The following DAB1 variants were observed in gnomAD, a reference collection of about 807,000 sequenced individuals.
DAB1 encodes disabled homolog 1.
A neutral mutation model predicts 64.6 loss-of-function variants in DAB1; 15 were observed. That is an observed-to-expected ratio of 0.23 (90% CI 0.16 to 0.36). The LOEUF (loss-of-function observed/expected upper bound fraction) is 0.36. Ranked by LOEUF, DAB1 falls within the 10% of genes least tolerant of loss-of-function variation. The pLI is 1.00. For missense variants in DAB1, 596 were observed against 706.7 expected, an observed-to-expected ratio of 0.84 and a Z score of 1.78; for synonymous variants, 235 against 251.9, an observed-to-expected ratio of 0.93 and a Z score of 0.64.
chr1:58,400,061 TA>T (rs1644556517), intron 3 of DAB1, among the ~76,000 whole-genome samples: 1 of 151,986 alleles, frequency 6.6e-6, no homozygotes, highest in African/African-American at 2.4e-5. Context: ...TTGTGAATCT[TA>T]AAGGTGAGAG....
intron 2 of DAB1, among the ~76,000 whole-genome samples, chr1:58,521,924 C>CT (rs1557451879): frequency 6.6e-6 from 1 of 152,174 alleles, no homozygotes; most frequent in Non-Finnish European, 1.5e-5. Flanking sequence ...GCCAGCATAA[C>CT]TTTGATTCCA....
chr1:58,533,582 C>T (rs1016181811), intron 1 of DAB1, among the ~76,000 whole-genome samples: 5 of 152,074 alleles, frequency 3.3e-5, no homozygotes, highest in Non-Finnish European at 7.4e-5. Context: ...AGATGATTTA[C>T]CCACTTAAAT....
intron 5 of DAB1, among the ~76,000 whole-genome samples, chr1:58,065,265 G>C (rs1648784345): frequency 6.6e-6 from 1 of 152,144 alleles, no homozygotes; most frequent in Non-Finnish European, 1.5e-5. Context: ...AGGATGTTTA[G>C]CTTCAAATGC....
chr1:58,184,024 T>C lies in DAB1; in HGVS notation n.310-33436A>G, dbSNP rs946309. Among the ~76,000 whole-genome samples, 308 of 152,164 alleles carry C rather than the reference T, an allele frequency of 2.0e-3. 1 individual carries two copies. The highest frequency in any genetic ancestry group is 6.3e-3 in the African/African-American group (262 of 41,548). On this transcript the variant is annotated intron_variant and non_coding_transcript_variant, in intron 4 of 20. Coordinates refer to the DAB1 transcript ENST00000485760. ...TGCACACACTCCAAATCAATCCTGT[T>C]TCTCTAGCTATAGGGTTTCTAACTT...
chr1:57,377,335 G>A (rs2405697), intron 1 of DAB1, among the ~76,000 whole-genome samples: 81,217 of 151,350 alleles, frequency 0.54, 22,693 homozygotes, highest in African/African-American at 0.63. Context: ...ATAAAGAAGT[G>A]TTTCTCAAAT....
chr1:57,250,906 G>A (rs493846), intron 2 of DAB1, among the ~76,000 whole-genome samples: 89,476 of 151,906 alleles, frequency 0.59, 26,546 homozygotes, highest in Admixed American at 0.66. Flanking sequence ...GGCATTTTTC[G>A]CAGCCAGGAT....
intron 7 of DAB1, among the ~76,000 whole-genome samples, chr1:57,547,800 A>G (rs551908185): frequency 2.0e-5 from 3 of 152,204 alleles, no homozygotes; most frequent in Non-Finnish European, 4.4e-5. Flanking sequence ...TAAGAAGTCA[A>G]TATTAGGAGA....
chr1:58,347,210 C>T (rs527564179), intron 3 of DAB1, among the ~76,000 whole-genome samples: 6 of 152,292 alleles, frequency 3.9e-5, no homozygotes, highest in Admixed American at 6.5e-5. Flanking sequence ...CAGGTACAAG[C>T]AATTCTCTTG....
intron 1 of DAB1, among the ~76,000 whole-genome samples, chr1:57,324,540 T>C (rs564461073): frequency 1.9e-4 from 29 of 152,286 alleles, no homozygotes; most frequent in African/African-American, 7.0e-4. Flanking sequence ...ATAAAAAACA[T>C]TCAATTAGCA....
intron 5 of DAB1, among the ~76,000 whole-genome samples, chr1:57,926,352 C>A (rs1026784591): frequency 1.3e-5 from 2 of 152,144 alleles, no homozygotes; most frequent in African/African-American, 4.8e-5. Context: ...TACTTTATCT[C>A]ATTAGCTACA....
chr1:57,317,419 A>G (rs1675305731), intron 1 of DAB1, among the ~76,000 whole-genome samples: 2 of 152,218 alleles, frequency 1.3e-5, no homozygotes, highest in Non-Finnish European at 2.9e-5. Context: ...GTTATGCAGC[A>G]GTAAACTAAT....
chr1:57,438,035 C>T (rs1412369651), intron 7 of DAB1, among the ~76,000 whole-genome samples: 1 of 152,174 alleles, frequency 6.6e-6, no homozygotes, highest in Non-Finnish European at 1.5e-5. Context: ...CAGCTTCCAT[C>T]CCAGCCCTTA....
At chr1:57,238,287 G>C (rs1668238860) in intron 2 of DAB1, among the ~76,000 whole-genome samples, 1 of 152,166 alleles carries the variant, frequency 6.6e-6, no homozygotes, top group Admixed American at 6.5e-5. Context: ...AAGCCCTCTA[G>C]TTATGATACC....
At chr1:58,008,582 G>T (rs1041437076) in intron 5 of DAB1, among the ~76,000 whole-genome samples, 1 of 152,130 alleles carries the variant, frequency 6.6e-6, no homozygotes, top group African/African-American at 2.4e-5. Flanking sequence ...CAATCATAGC[G>T]GTTCGGTGTG....
At chr1:57,634,019 T>C (rs1005855261) in intron 7 of DAB1, among the ~76,000 whole-genome samples, 6 of 152,244 alleles carry the variant, frequency 3.9e-5, no homozygotes, top group East Asian at 1.9e-4. Context: ...GTGCCATGGC[T>C]GGCGCATCCT....
chr1:57,335,640 T>C (rs1677020402), intron 1 of DAB1, among the ~76,000 whole-genome samples: 2 of 152,200 alleles, frequency 1.3e-5, no homozygotes, highest in African/African-American at 4.8e-5. Context: ...TGTAATTTAG[T>C]GCATAATTCC....
At chr1:57,098,593 T>C (rs1253754107) in intron 4 of DAB1, among the ~76,000 whole-genome samples, 1 of 152,178 alleles carries the variant, frequency 6.6e-6, no homozygotes, top group Admixed American at 6.5e-5. Context: ...GAAATCAAAC[T>C]GCATCATATA....
chr1:58,254,138 T>C (rs1660868574), intron 4 of DAB1, among the ~76,000 whole-genome samples: 1 of 152,144 alleles, frequency 6.6e-6, no homozygotes, highest in African/African-American at 2.4e-5. Context: ...AGGGGAAACA[T>C]GCAATAAGAT....
chr1:57,115,240 C>G (rs1056640363), intron 4 of DAB1, among the ~76,000 whole-genome samples: 2 of 152,210 alleles, frequency 1.3e-5, no homozygotes, highest in Non-Finnish European at 2.9e-5. Context: ...AGCTCTGCTA[C>G]TTACCAGCTT....
Sources: allele counts gnomAD v4.1 joint callset (sites outside exome capture counted in the v4.1 genomes callset), GRCh38; gene constraint gnomAD v4.1.1; transcripts MANE v1.5; gene names NCBI Gene and HGNC (gene_info 2026-07-23, HGNC 2026-07-21).